NT5DC3: variants seen among roughly 807,000 people sequenced by gnomAD.
NT5DC3 encodes the protein 5'-nucleotidase domain-containing protein 3.
NT5DC3 carries 42 observed loss-of-function variants against 67.8 expected under a neutral mutation model. The ratio of observed to expected loss-of-function variants is 0.62; its 90% confidence interval spans 0.48 to 0.80. The LOEUF (loss-of-function observed/expected upper bound fraction) is 0.80, where lower values mean the gene tolerates loss of function less well. NT5DC3 is among the 30% of genes least tolerant of loss of function. NT5DC3 has a pLI of 0.00. For missense variants in NT5DC3, 570 were observed against 696.4 expected (o/e 0.82, Z 2.04); for synonymous variants, 237 against 255.6 (o/e 0.93, Z 0.69).
chr12:103,798,851 C>T (rs190725708), intron 4 of NT5DC3, among the ~76,000 whole-genome samples, 174 bp from the exon 5 acceptor site: 241 of 152,360 alleles, frequency 1.6e-3, no homozygotes, highest in African/African-American at 5.6e-3. Context: ...ACTATGTTTA[C>T]TACTACTACT....
At chr12:103,817,701 A>C (rs747694437) in intron 1 of NT5DC3, among the ~76,000 whole-genome samples, 8 of 152,216 alleles carry the variant, frequency 5.3e-5, no homozygotes, top group Non-Finnish European at 1.2e-4. Flanking sequence ...TTATTTGCTA[A>C]GGATACACCA....
intron 1 of NT5DC3, among the ~76,000 whole-genome samples, chr12:103,833,172 G>A (rs1888002985): frequency 6.6e-6 from 1 of 152,148 alleles, no homozygotes; most frequent in African/African-American, 2.4e-5. Context: ...TACTTGGGAA[G>A]CACTAAACCT....
intron 9 of NT5DC3, among the ~76,000 whole-genome samples, chr12:103,790,285 T>A (rs973586164): frequency 6.6e-6 from 1 of 151,950 alleles, no homozygotes; most frequent in South Asian, 2.1e-4. Flanking sequence ...TATTTTATTT[T>A]ATTTTTTTGA....
intron 1 of NT5DC3, among the ~76,000 whole-genome samples, chr12:103,836,990 G>T (rs1005804801): frequency 6.6e-6 from 1 of 152,168 alleles, no homozygotes. Flanking sequence ...TTTCCCTTCC[G>T]CAATGCCCTA....
intron 9 of NT5DC3, among the ~76,000 whole-genome samples, chr12:103,791,019 C>T (rs914245895): frequency 6.6e-6 from 1 of 152,130 alleles, no homozygotes; most frequent in Middle Eastern, 3.2e-3. Context: ...CTGCATAATA[C>T]CCCCTCACAT....
At chr12:103,830,380 G>A (rs896943407) in intron 1 of NT5DC3, among the ~76,000 whole-genome samples, 2 of 151,908 alleles carry the variant, frequency 1.3e-5, no homozygotes, top group African/African-American at 4.8e-5. Flanking sequence ...ATACTGCTTG[G>A]GATTTGCTTT....
intron 1 of NT5DC3, among the ~76,000 whole-genome samples, chr12:103,839,292 G>C (rs1593450204): frequency 6.6e-6 from 1 of 152,146 alleles, no homozygotes; most frequent in South Asian, 2.1e-4. Context: ...TGCCAACCAG[G>C]CCGGAGTACA....
At chr12:103,797,195 C>T (rs1450349658) in intron 5 of NT5DC3, among the ~76,000 whole-genome samples, 164 bp from the exon 6 acceptor site, 5 of 152,142 alleles carry the variant, frequency 3.3e-5, no homozygotes, top group African/African-American at 9.7e-5. Flanking sequence ...ATGGGCTGAG[C>T]GTGGTGGCTC....
At chr12:103,825,286 T>G (rs1417517797) in intron 1 of NT5DC3, among the ~76,000 whole-genome samples, 4 of 152,246 alleles carry the variant, frequency 2.6e-5, no homozygotes, top group African/African-American at 9.6e-5. Flanking sequence ...CTTATTACCC[T>G]GTAAGTAATA....
the NT5DC3 span, among the ~76,000 whole-genome samples, chr12:103,764,752 A>AAATC: frequency 3.3e-5 from 5 of 152,136 alleles, no homozygotes; most frequent in South Asian, 1.0e-3. Context: ...ACCAGATTGC[A>AAATC]AATCATATTT....
chr12:103,806,997 G>A, intron 2 of NT5DC3, 68 bp from the exon 3 acceptor site: 1 of 928,150 alleles, frequency 1.1e-6, no homozygotes, highest in Non-Finnish European at 1.8e-6. Flanking sequence ...TCCAGATCTG[G>A]CCCTTGTACA....
intron 1 of NT5DC3, among the ~76,000 whole-genome samples, chr12:103,825,412 T>A (rs1056460029): frequency 1.3e-5 from 2 of 152,172 alleles, no homozygotes; most frequent in Non-Finnish European, 2.9e-5. Context: ...AATGACAACC[T>A]AATCTTTAAA....
the NT5DC3 span, among the ~76,000 whole-genome samples, chr12:103,758,749 A>C: frequency 6.6e-6 from 1 of 152,214 alleles, no homozygotes; most frequent in Non-Finnish European, 1.5e-5. Flanking sequence ...TGTGTTCCAC[A>C]CCAACCTTCT....
chr12:103,792,251 T>C (rs1261788989), intron 9 of NT5DC3, among the ~76,000 whole-genome samples: 1 of 152,174 alleles, frequency 6.6e-6, no homozygotes, highest in East Asian at 1.9e-4. Context: ...CCACCAAGCA[T>C]TTTTGAGTCC....
At chr12:103,822,572 T>C (rs1887535304) in intron 1 of NT5DC3, among the ~76,000 whole-genome samples, 1 of 152,200 alleles carries the variant, frequency 6.6e-6, no homozygotes, top group South Asian at 2.1e-4. Context: ...AAGTAAGAAG[T>C]CATTTTCCTC....
chr12:103,760,635 T>C, the NT5DC3 span, among the ~76,000 whole-genome samples: 1 of 152,266 alleles, frequency 6.6e-6, no homozygotes, highest in African/African-American at 2.4e-5. Context: ...CTGATGGAGA[T>C]GACCGTGGGG....
the NT5DC3 span, chr12:103,759,027 A>G: frequency 6.3e-7 from 1 of 1,581,758 alleles, no homozygotes; most frequent in Non-Finnish European, 8.7e-7. Flanking sequence ...TGGAGGCAGG[A>G]AAGCCTAGGC....
chr12:103,793,311 A>C, intron 8 of NT5DC3, 46 bp from the exon 9 acceptor site: 1 of 1,563,476 alleles, frequency 6.4e-7, no homozygotes, highest in African/African-American at 1.4e-5. Context: ...AAAGAGATTA[A>C]CTGTGTCTGT....
intron 1 of NT5DC3, among the ~76,000 whole-genome samples, chr12:103,816,286 C>T (rs975231091): frequency 3.3e-5 from 5 of 152,224 alleles, no homozygotes; most frequent in African/African-American, 1.2e-4. Flanking sequence ...ATTCAAAATG[C>T]TCCAATGAGT....
Sources: allele counts gnomAD v4.1 joint callset (sites outside exome capture counted in the v4.1 genomes callset), GRCh38; gene constraint gnomAD v4.1.1; transcripts MANE v1.5; gene names NCBI Gene and HGNC (gene_info 2026-07-23, HGNC 2026-07-21).